Variants in SCUBE1 observed in about 807,000 individuals in gnomAD.
The protein encoded by SCUBE1 is signal peptide, CUB and EGF-like domain-containing protein 1.
SCUBE1 carries 59 observed loss-of-function variants against 124.4 expected under a neutral mutation model. That is an observed-to-expected ratio of 0.47 (90% CI 0.38 to 0.59). SCUBE1 has a LOEUF of 0.59. Among genes scored for constraint, SCUBE1 ranks in the 20% least tolerant of loss-of-function variants. The pLI is 0.00. For synonymous variants in SCUBE1, 545 were observed against 550.9 expected, an observed-to-expected ratio of 0.99 and a Z score of 0.15; for missense variants, 1,150 against 1,371.2, an observed-to-expected ratio of 0.84 and a Z score of 2.55.
rs893752421 is a variant in SCUBE1 at position 43,199,003 on chromosome 22, G to C, written c.*4994C>G. 2.2e-5 allele frequency: 8 copies of C among 357,244 alleles called. No homozygotes were observed. The highest frequency in any genetic ancestry group is 1.1e-4 in the Admixed American group (3 of 26,148). 22.1% of individuals were successfully genotyped at this position (357,244 alleles called of 1,614,324 possible). On this transcript the variant is annotated 3_prime_UTR_variant, in exon 22 of 22. Transcript: ENST00000360835. ...GGGGCAACGTGTCTGTCTGTCTGCT[G>C]TCCGGGGCAGTGTGTCTGTTTGTCT...
At chr22:43,248,661 G>A (rs1370883330) in intron 6 of SCUBE1, among the ~76,000 whole-genome samples, 1 of 152,254 alleles carries the variant, frequency 6.6e-6, no homozygotes, top group Admixed American at 6.5e-5. Flanking sequence ...TGGGCAGGGA[G>A]GCCACGACTT....
chr22:43,301,524 G>A (rs187009919), intron 3 of SCUBE1, among the ~76,000 whole-genome samples: 1 of 152,232 alleles, frequency 6.6e-6, no homozygotes, highest in African/African-American at 2.4e-5. Flanking sequence ...GCTTGTCTTG[G>A]CACGGCTGCC....
chr22:43,248,786 T>C (rs1255320985), intron 6 of SCUBE1, among the ~76,000 whole-genome samples: 1 of 152,122 alleles, frequency 6.6e-6, no homozygotes, highest in Non-Finnish European at 1.5e-5. Context: ...CTGAGTCCCT[T>C]CCCACTTCCA....
chr22:43,227,232 G>C, intron 10 of SCUBE1, 142 bp downstream of exon 10: 10 of 993,854 alleles, frequency 1.0e-5, no homozygotes, highest in Non-Finnish European at 1.3e-5. Context: ...TACCCCAACA[G>C]CAGAGAACCT....
intron 2 of SCUBE1, among the ~76,000 whole-genome samples, chr22:43,321,229 A>C (rs756272626): frequency 1.3e-5 from 2 of 152,206 alleles, no homozygotes; most frequent in African/African-American, 4.8e-5. Flanking sequence ...TCCAGCTACG[A>C]AAGTGGGGCT....
intron 2 of SCUBE1, among the ~76,000 whole-genome samples, chr22:43,330,165 T>TGTAA (rs1286630089): frequency 2.0e-5 from 3 of 152,174 alleles, no homozygotes; most frequent in Admixed American, 2.0e-4. Context: ...ATGCACATTC[T>TGTAA]GTAAGGCAGG....
intron 3 of SCUBE1, among the ~76,000 whole-genome samples, chr22:43,314,099 C>G (rs1569026692): frequency 6.6e-6 from 1 of 152,108 alleles, no homozygotes; most frequent in Non-Finnish European, 1.5e-5. Context: ...TTAGTGACTG[C>G]CCAGAGGCAG....
chr22:43,317,590 C>T (rs895853656), intron 3 of SCUBE1, among the ~76,000 whole-genome samples: 1 of 152,230 alleles, frequency 6.6e-6, no homozygotes, highest in African/African-American at 2.4e-5. Flanking sequence ...ATGCCCATAT[C>T]CCCTGGGCTC....
In SCUBE1 at chr22:43,197,480, T is replaced by G. The variant is rs912679191; in HGVS notation, c.*6517A>C. 1.3e-5 allele frequency: 2 copies of G among 152,226 alleles called. No homozygotes were observed. The highest frequency in any genetic ancestry group is 4.8e-5 in the African/African-American group (2 of 41,450). The allele number at this position is 152,226 out of a possible 1,614,324, so 9.4% of individuals were successfully genotyped here. The stretch of plus-strand genomic sequence containing the variant: ...ACAGTGCCCTCACAGGAGCCAGAAG[T>G]GAAGTCTGCGGGCCGCTAGCACAGC... On this transcript the variant is annotated 3_prime_UTR_variant, in exon 22 of 22. Coordinates refer to ENST00000360835, the MANE Select transcript of SCUBE1 (RefSeq NM_173050.5).
chr22:43,301,414 G>T (rs543283299), intron 3 of SCUBE1, among the ~76,000 whole-genome samples: 4 of 152,076 alleles, frequency 2.6e-5, no homozygotes, highest in Non-Finnish European at 5.9e-5. Flanking sequence ...TCGCTCACCC[G>T]CCTCCAGCCA....
chr22:43,248,449 C>G (rs1026464324), intron 6 of SCUBE1, among the ~76,000 whole-genome samples: 1 of 152,254 alleles, frequency 6.6e-6, no homozygotes, highest in African/African-American at 2.4e-5. Flanking sequence ...ACAGCGGAGT[C>G]GCCATCACCT....
intron 1 of SCUBE1, among the ~76,000 whole-genome samples, chr22:43,341,152 G>A (rs891050817): frequency 7.0e-6 from 1 of 142,986 alleles, no homozygotes; most frequent in African/African-American, 2.6e-5. Flanking sequence ...TTTCCGGGGG[G>A]GGCTACCCAT....
At chr22:43,225,577 C>T (rs1286502614) in intron 10 of SCUBE1, among the ~76,000 whole-genome samples, 3 of 150,832 alleles carry the variant, frequency 2.0e-5, no homozygotes, top group East Asian at 2.0e-4. Context: ...GAGGTCGAGA[C>T]CAGCCTGACC....
intron 6 of SCUBE1, among the ~76,000 whole-genome samples, chr22:43,240,623 C>T (rs1601821637): frequency 1.3e-5 from 2 of 152,216 alleles, no homozygotes; most frequent in Non-Finnish European, 2.9e-5. Flanking sequence ...GCTGCACCTC[C>T]GCACTCACAC....
In SCUBE1 at chr22:43,211,435, C is replaced by T. The variant is rs1257067035; in HGVS notation, c.2222-352G>A. Among the ~76,000 whole-genome samples the T allele has an allele frequency of 6.6e-6, 1 of 151,818 alleles. No individual in the cohort carries two copies. The highest frequency in any genetic ancestry group is 1.5e-5 in the Non-Finnish European group (1 of 67,994). On this transcript the variant is annotated intron_variant, in intron 17 of 21. Transcript: ENST00000360835. This position sits in a 1 kb window ranked among gnomAD's most constrained non-coding sequence, Gnocchi z 4.5. ...GAAGTGGAGCCAGCTAGGCCAAACC[C>T]TCTTTCTACAAGGTTGCTGGGGCAG...
intron 6 of SCUBE1, among the ~76,000 whole-genome samples, chr22:43,253,394 GGC>G (rs1446120227): frequency 6.6e-6 from 1 of 152,158 alleles, no homozygotes; most frequent in Non-Finnish European, 1.5e-5. Flanking sequence ...GTGAGGCCTT[GGC>G]TATTGGCTCT....
At position 43,199,082 on chromosome 22, in the gene SCUBE1, T is replaced by TGTCTGTCTGTCTGCTGTCTGGGGCA. The variant is rs1402144169; in HGVS notation, c.*4914_*4915insTGCCCCAGACAGCAGACAGACAGAC. ...TGTCTGTCTGCTGTCCGGGGCAGTTTGTTTGTCTGTCTGCTGTCTGGGGCA... is the reference window on the plus strand; with the variant it reads ...TGTCTGTCTGCTGTCCGGGGCAGTTTGTCTGTCTGTCTGCTGTCTGGGGCAGTTTGTCTGTCTGCTGTCTGGGGCA... On this transcript the variant is annotated 3_prime_UTR_variant, in exon 22 of 22. Coordinates refer to ENST00000360835, the MANE Select transcript of SCUBE1 (RefSeq NM_173050.5). 1,818 of 325,442 alleles carry TGTCTGTCTGTCTGCTGTCTGGGGCA rather than the reference T, an allele frequency of 5.6e-3. 17 individuals carry two copies. The highest frequency in any genetic ancestry group is 7.7e-3 in the Non-Finnish European group (1,321 of 171,416). The allele number at this position is 325,442 out of a possible 1,614,324, so 20.2% of individuals were successfully genotyped here. A position where few individuals can be genotyped will look rare whatever the true frequency, so the allele number is the denominator to read the frequency against.
At chr22:43,336,619 A>G (rs1392298159) in intron 2 of SCUBE1, among the ~76,000 whole-genome samples, 2 of 152,184 alleles carry the variant, frequency 1.3e-5, no homozygotes, top group East Asian at 1.9e-4. Flanking sequence ...TGGGCCCTCA[A>G]TAAATGAGCT....
intron 3 of SCUBE1, among the ~76,000 whole-genome samples, chr22:43,297,628 C>T (rs1426616493): frequency 6.6e-6 from 1 of 152,210 alleles, no homozygotes; most frequent in East Asian, 1.9e-4. Context: ...ATAGGTTGAC[C>T]CGCTTCCGAA....
Sources: gnomAD v4.1 joint callset for allele counts (sites outside exome capture counted in the v4.1 genomes callset) on GRCh38, gnomAD v4.1.1 for gene constraint, Gnocchi (gnomAD v3.1) non-coding constraint, MANE v1.5 for transcripts, NCBI Gene and HGNC (gene_info 2026-07-23, HGNC 2026-07-21) for gene names.